Variants in EBF3 observed in about 807,000 individuals in gnomAD.
The protein encoded by EBF3 is EBF transcription factor 3.
A neutral mutation model predicts 77.1 loss-of-function variants in EBF3; 18 were observed. That is an observed-to-expected ratio of 0.23 (90% CI 0.16 to 0.35). The LOEUF is 0.35. Among genes scored for constraint, EBF3 ranks in the 10% least tolerant of loss-of-function variants. EBF3 has a pLI of 1.00. For synonymous variants in EBF3, 350 were observed against 343.5 expected, an observed-to-expected ratio of 1.02 and a Z score of -0.21; for missense variants, 558 against 860.0, an observed-to-expected ratio of 0.65 and a Z score of 4.39.
chr10:129,862,327 C>T (rs939532872), intron 10 of EBF3, among the ~76,000 whole-genome samples: 7 of 152,058 alleles, frequency 4.6e-5, no homozygotes, highest in Non-Finnish European at 7.4e-5. Flanking sequence ...GGGCTGGGAG[C>T]GGTCCAGGTA....
chr10:129,892,933 A>G (rs1379034068), intron 6 of EBF3, among the ~76,000 whole-genome samples: 1 of 152,270 alleles, frequency 6.6e-6, no homozygotes. Flanking sequence ...CCAGCCGTTA[A>G]TTAGCATACT....
Position 129,837,185 on chromosome 10 carries a change from A to C in EBF3, c.*758T>G, listed in dbSNP as rs1849661976. ...AAAAGTTGAAAAAATGTTGCAGATC[A>C]CACTTGCTTAACAGGAAGCTCTAGC... On this transcript the variant is annotated 3_prime_UTR_variant, in exon 17 of 17. Coordinates refer to ENST00000440978, the MANE Select transcript of EBF3 (RefSeq NM_001375380.1). 1 of 152,690 alleles carries C rather than the reference A, an allele frequency of 6.5e-6. No individual in the cohort carries two copies. The highest frequency in any genetic ancestry group is 2.1e-4 in the South Asian group (1 of 4,828). The allele number at this position is 152,690 out of a possible 1,614,324, so 9.5% of individuals were successfully genotyped here.
chr10:129,848,518 C>A lies in EBF3; in HGVS notation c.1040-38G>T. 6.2e-7 allele frequency: 1 copy of A among 1,600,306 alleles called. No homozygotes were observed. Reference sequence around the variant, plus strand: ...ACAGAAATGTAGATCAGGTTAATTACTTTTATGTCATCCATTACTCGTTTA... The same window carrying A: ...ACAGAAATGTAGATCAGGTTAATTAATTTTATGTCATCCATTACTCGTTTA... On this transcript the variant is annotated intron_variant, in intron 10 of 16. Coordinates refer to ENST00000440978, the MANE Select transcript of EBF3 (RefSeq NM_001375380.1). The surrounding 1 kb of genome is among the most constrained non-coding windows in gnomAD (Gnocchi z 4.4).
chr10:129,946,806 T>C (rs1195132583), intron 6 of EBF3, among the ~76,000 whole-genome samples: 1 of 152,242 alleles, frequency 6.6e-6, no homozygotes, highest in Non-Finnish European at 1.5e-5. Flanking sequence ...TTTATTAACT[T>C]GCATAACTCA....
chr10:129,887,915 C>T (rs909690204), intron 6 of EBF3, among the ~76,000 whole-genome samples: 2 of 152,186 alleles, frequency 1.3e-5, no homozygotes, highest in Non-Finnish European at 2.9e-5. Flanking sequence ...CATAGATGCT[C>T]AGTCCCTAAA....
At chr10:129,948,849 C>A (rs1858443709) in intron 6 of EBF3, among the ~76,000 whole-genome samples, 1 of 152,202 alleles carries the variant, frequency 6.6e-6, no homozygotes, top group South Asian at 2.1e-4. Context: ...AGGCTGTTTG[C>A]ATCTCCCAGT....
Position 129,836,144 on chromosome 10 carries a change from A to G in EBF3, c.*1799T>C, listed in dbSNP as rs941594405. On this transcript the variant is annotated 3_prime_UTR_variant, in exon 17 of 17. Coordinates refer to ENST00000440978, the MANE Select transcript of EBF3 (RefSeq NM_001375380.1). ...TTTTGTGTGTGTTTGTGTGTTTTAC[A>G]CCATACATCTCCAAATGAAGTATTT... is the stretch of plus-strand genomic sequence containing the variant. The G allele has an allele frequency of 6.5e-6, 1 of 152,724 alleles. No homozygotes were observed. Among genetic ancestry groups the G allele is most frequent in the East Asian group, 1.9e-4 (1 of 5,184 alleles). The allele number at this position is 152,724 out of a possible 1,614,324, so 9.5% of individuals were successfully genotyped here.
intron 10 of EBF3, among the ~76,000 whole-genome samples, chr10:129,851,268 G>A (rs915131423): frequency 2.6e-5 from 4 of 152,202 alleles, no homozygotes; most frequent in African/African-American, 7.2e-5. Flanking sequence ...AGCCTTGGGT[G>A]AGCTCAAGTC....
intron 10 of EBF3, among the ~76,000 whole-genome samples, chr10:129,855,988 G>A (rs1010550085): frequency 6.6e-6 from 1 of 152,234 alleles, no homozygotes; most frequent in Admixed American, 6.5e-5. Context: ...TCCCTGCCAG[G>A]GTTGAGGACA....
chr10:129,898,421 G>A (rs1436959176), intron 6 of EBF3, among the ~76,000 whole-genome samples: 2 of 152,158 alleles, frequency 1.3e-5, no homozygotes, highest in East Asian at 3.9e-4. Flanking sequence ...TATAGAAACA[G>A]CCTGAAAAAG....
intron 10 of EBF3, among the ~76,000 whole-genome samples, chr10:129,854,258 C>A (rs1437370955): frequency 6.6e-6 from 1 of 152,056 alleles, no homozygotes; most frequent in African/African-American, 2.4e-5. Context: ...ATTAAAATTT[C>A]AAAGATCTGC....
intron 16 of EBF3, 84 bp downstream of exon 16, chr10:129,838,999 C>T (rs2133934614): frequency 8.1e-7 from 1 of 1,231,128 alleles, no homozygotes. Flanking sequence ...GGCACGCAGG[C>T]CAGTCGGCGG....
In EBF3 at chr10:129,963,646, C is replaced by T. The variant is rs762719339; in HGVS notation, c.123G>A (p.Thr41=). The change falls in exon 1 of 17, where the codon ACG becomes ACA. Residue 41 remains threonine (T), a synonymous_variant. Coordinates refer to ENST00000440978, the MANE Select transcript of EBF3 (RefSeq NM_001375380.1). This position sits in a 1 kb window ranked among gnomAD's most constrained non-coding sequence, Gnocchi z 7.1. ...CGGCCGGTACGTACCTCTGGGCGGC[C>T]GTGTTGGCGTCCACCACGCCCGCCG... ...MHTAGVVDAN[T]AAQSGVGLAR... 4.1e-6 allele frequency: 6 copies of T among 1,477,696 alleles called. No individual in the cohort carries two copies. The South Asian group carries it at 4.7e-5, about 12-fold the overall frequency. The allele number at this position is 1,477,696 out of a possible 1,614,324, so 91.5% of individuals were successfully genotyped here.
rs1395489909 is a variant in EBF3, at chr10:129,837,855, T to C, written c.*88A>G. The C allele has an allele frequency of 6.4e-7, 1 of 1,571,984 alleles. No homozygotes were observed. Among genetic ancestry groups the C allele is most frequent in the Non-Finnish European group, 8.7e-7 (1 of 1,143,586 alleles). ...TGAAGATACTGTTTCCATCAGCATG[T>C]CTTAATATACTAAACGTGTCCCCTG... is the stretch of plus-strand genomic sequence containing the variant. On this transcript the variant is annotated 3_prime_UTR_variant, in exon 17 of 17. Transcript: ENST00000440978.
chr10:129,854,737 C>A (rs1851128189), intron 10 of EBF3, among the ~76,000 whole-genome samples: 1 of 152,258 alleles, frequency 6.6e-6, no homozygotes, highest in Admixed American at 6.5e-5. Flanking sequence ...GTTTTCCTCT[C>A]AAAGTCAATA....
rs948399120 is a variant in EBF3, at chr10:129,944,628, C to T, written c.554+12630G>A. Among the ~76,000 whole-genome samples, 1 of 152,096 alleles carries T rather than the reference C, an allele frequency of 6.6e-6. No homozygotes were observed. Among genetic ancestry groups the T allele is most frequent in the Non-Finnish European group, 1.5e-5 (1 of 68,014 alleles). ...AGCATTTTCTTAGTGGAAGCTGGAG[C>T]GCCCCTCACACCACACGGTGAATCC... On this transcript the variant is annotated intron_variant, in intron 6 of 16. Coordinates refer to ENST00000440978, the MANE Select transcript of EBF3 (RefSeq NM_001375380.1). The surrounding 1 kb of genome is among the most constrained non-coding windows in gnomAD (Gnocchi z 5.1).
rs77835989 is a variant in EBF3 at position 129,896,216 on chromosome 10, A to G, written c.555-18367T>C. ...TGAGTTCCCATTTAGATGAAAGAGC[A>G]TGTGTATCGTCCAACTCTGCCAAAA... On this transcript the variant is annotated intron_variant, in intron 6 of 16. Coordinates refer to ENST00000440978, the MANE Select transcript of EBF3 (RefSeq NM_001375380.1). Among the ~76,000 whole-genome samples, 4 of 152,340 alleles carry G rather than the reference A, an allele frequency of 2.6e-5. No homozygotes were observed. In the East Asian group the frequency reaches 7.7e-4, roughly 29 times the overall value.
Position 129,835,865 on chromosome 10 carries a change from C to T in EBF3, c.*2078G>A, listed in dbSNP as rs1257082319. Reference sequence around the variant, plus strand: ...AGGAGAAAGAAAAAAAAAAAAACACCTGACACTTTTGGTCTCACTGTGGGT... The same window carrying T: ...AGGAGAAAGAAAAAAAAAAAAACACTTGACACTTTTGGTCTCACTGTGGGT... On this transcript the variant is annotated 3_prime_UTR_variant, in exon 17 of 17. Transcript: ENST00000440978. The T allele has an allele frequency of 6.6e-6, 1 of 152,068 alleles. No individual in the cohort carries two copies. Among genetic ancestry groups the T allele is most frequent in the Non-Finnish European group, 1.5e-5 (1 of 67,978 alleles). 9.4% of individuals were successfully genotyped at this position (152,068 alleles called of 1,614,324 possible).
At chr10:129,894,734 G>A (rs968998453) in intron 6 of EBF3, among the ~76,000 whole-genome samples, 3 of 152,228 alleles carry the variant, frequency 2.0e-5, no homozygotes, top group Non-Finnish European at 2.9e-5. Flanking sequence ...TCTGCCTGGG[G>A]CCTCCACAGA....
Sources: allele counts gnomAD v4.1 joint callset (sites outside exome capture counted in the v4.1 genomes callset), GRCh38; gene constraint gnomAD v4.1.1; non-coding constraint Gnocchi (gnomAD v3.1); transcripts MANE v1.5; gene names NCBI Gene and HGNC (gene_info 2026-07-23, HGNC 2026-07-21).